LRCH2: variants seen among roughly 807,000 people sequenced by gnomAD.
The protein encoded by LRCH2 is leucine rich repeats and calponin homology domain containing 2.
LRCH2 carries 38 observed loss-of-function variants against 68.9 expected under a neutral mutation model. The observed-to-expected ratio is 0.55, with a 90% CI of 0.43 to 0.72. The LOEUF (loss-of-function observed/expected upper bound fraction) is 0.72, where lower values mean the gene tolerates loss of function less well. Among genes scored for constraint, LRCH2 ranks in the 30% least tolerant of loss-of-function variants. LRCH2 has a pLI of 0.00. For synonymous variants in LRCH2, 191 were observed against 208.1 expected, an observed-to-expected ratio of 0.92 and a Z score of 0.71; for missense variants, 528 against 572.9, an observed-to-expected ratio of 0.92 and a Z score of 0.80.
At chrX:115,145,785 AATAACATACTGGTGAGGATGTGGAG>A (rs2072377317) in intron 14 of LRCH2, among the ~76,000 whole-genome samples, 1 of 111,713 alleles carries the variant, frequency 9.0e-6, no homozygotes, top group African/African-American at 3.3e-5. Flanking sequence ...AAAGACAGGC[AATAACATACTGGTGAGGATGTGGAG>A]AAAAGGGAAC....
At chrX:115,176,388 T>C (rs991455900) in intron 5 of LRCH2, among the ~76,000 whole-genome samples, 1 of 112,009 alleles carries the variant, frequency 8.9e-6, no homozygotes, top group Non-Finnish European at 1.9e-5. Flanking sequence ...TATCTCATTG[T>C]GGTTGTGATT....
intron 5 of LRCH2, among the ~76,000 whole-genome samples, chrX:115,172,228 G>A (rs2072610170): frequency 9.0e-6 from 1 of 111,296 alleles, no homozygotes; most frequent in Admixed American, 9.6e-5. Context: ...TCTCTCTTCA[G>A]AAGTATAACA....
intron 3 of LRCH2, among the ~76,000 whole-genome samples, chrX:115,180,551 T>C (rs1307681142): frequency 9.0e-6 from 1 of 111,579 alleles, no homozygotes; most frequent in Non-Finnish European, 1.9e-5. Context: ...ATCTACAACA[T>C]GGTCTCAGAC....
intron 1 of LRCH2, among the ~76,000 whole-genome samples, chrX:115,211,760 C>CCG (rs1556570083): frequency 6.5e-5 from 6 of 92,688 alleles, no homozygotes; most frequent in Admixed American, 2.2e-4. Flanking sequence ...AACATCCACA[C>CCG]ACCCCCCCAA....
At chrX:115,206,616 T>C (rs1556568284) in intron 1 of LRCH2, among the ~76,000 whole-genome samples, 1 of 112,039 alleles carries the variant, frequency 8.9e-6, no homozygotes, top group Non-Finnish European at 1.9e-5. Context: ...CTATAATCTA[T>C]AGAAACAATG....
At chrX:115,189,972 A>G (rs1556556682) in intron 1 of LRCH2, 1 of 1,162,864 alleles carries the variant, frequency 8.6e-7, no homozygotes, top group Admixed American at 2.6e-5. Flanking sequence ...TTGGCTGTGG[A>G]ATGCGCGGGA....
intron 14 of LRCH2, among the ~76,000 whole-genome samples, chrX:115,140,915 A>G (rs1195832126): frequency 9.0e-6 from 1 of 111,253 alleles, no homozygotes; most frequent in Non-Finnish European, 1.9e-5. Context: ...AAAAAATAAG[A>G]CACAATGACC....
intron 14 of LRCH2, among the ~76,000 whole-genome samples, chrX:115,138,036 T>C (rs2072304885): frequency 9.0e-6 from 1 of 111,160 alleles, no homozygotes; most frequent in Non-Finnish European, 1.9e-5. Context: ...AATGGTAGTG[T>C]CAGGGCTCAG....
Position 115,170,424 on chromosome X carries a change from T to C in LRCH2, c.873A>G (p.Leu291=). 1.8e-6 allele frequency: 2 copies of C among 1,113,709 alleles called. No individual in the cohort carries two copies. The highest frequency in any genetic ancestry group is 2.4e-6 in the Non-Finnish European group (2 of 846,514). The allele number at this position is 1,113,709 out of a possible 1,213,427, so 91.8% of individuals were successfully genotyped here. A position where few individuals can be genotyped will look rare whatever the true frequency, so the allele number is the denominator to read the frequency against. ...ACTTAAATATGTGCACCTTACCCTT[T>C]AAACATATCTGTCAATAAAAAATAA... is the stretch of plus-strand genomic sequence containing the variant. ...PLQVPPAQIC[L]KGKVHIFKYL... Residue 291 remains leucine, a synonymous_variant, in exon 6 of 21, where the codon TTA becomes TTG. Transcript: ENST00000317135.
chrX:115,133,704 G>A (rs970727788), intron 14 of LRCH2, among the ~76,000 whole-genome samples: 3 of 111,221 alleles, frequency 2.7e-5, no homozygotes, highest in Admixed American at 9.6e-5. Flanking sequence ...TGACTCAAAC[G>A]ACGCCCATAT....
At chrX:115,175,154 C>T (rs192930298) in intron 5 of LRCH2, among the ~76,000 whole-genome samples, 83 of 112,085 alleles carry the variant, frequency 7.4e-4, no homozygotes, top group African/African-American at 2.5e-3. Flanking sequence ...ACAAAAGCTT[C>T]ATTGAGGTTC....
At chrX:115,125,961 G>A (rs782674323) in intron 16 of LRCH2, among the ~76,000 whole-genome samples, 1 of 109,634 alleles carries the variant, frequency 9.1e-6, no homozygotes, top group South Asian at 3.9e-4. Context: ...TTGTAATGCA[G>A]ATCACCCACA....
Position 115,191,704 on chromosome X carries a change from C to T in LRCH2, c.350-3334G>A, listed in dbSNP as rs1050701040. On this transcript the variant is annotated intron_variant, in intron 1 of 20. Transcript: ENST00000317135. ...CTCACTCGATGCCAACAGCAGTGGC[C>T]GCTTGCCTGACGCCTACAGTGGGGG... The T allele has an allele frequency of 1.2e-5, 14 of 1,162,187 alleles. No individual in the cohort carries two copies. Among genetic ancestry groups the T allele is most frequent in the Non-Finnish European group, 1.5e-5 (13 of 871,726 alleles).
intron 14 of LRCH2, among the ~76,000 whole-genome samples, chrX:115,133,354 G>A (rs1436351864): frequency 8.9e-6 from 1 of 112,294 alleles, no homozygotes; most frequent in East Asian, 2.8e-4. Context: ...TGGAATGACA[G>A]TGAAAGCTAG....
chrX:115,231,427 A>G (rs1666455953), intron 1 of LRCH2, among the ~76,000 whole-genome samples: 1 of 111,765 alleles, frequency 8.9e-6, no homozygotes, highest in Admixed American at 9.6e-5. Flanking sequence ...TCTCTACATT[A>G]AAAAATACTG....
chrX:115,226,650 C>T (rs2073121066), intron 1 of LRCH2, among the ~76,000 whole-genome samples: 2 of 111,251 alleles, frequency 1.8e-5, no homozygotes, highest in Non-Finnish European at 3.8e-5. Context: ...AGAGTTATGA[C>T]CAACAGGCCT....
At chrX:115,156,706 A>C (rs2147379183) in intron 11 of LRCH2, 39 bp from the exon 12 acceptor site, 1 of 851,724 alleles carries the variant, frequency 1.2e-6, no homozygotes, top group South Asian at 3.1e-5. Context: ...AAATCTATTA[A>C]GAATATTACA....
chrX:115,139,384 T>C (rs2072317165), intron 14 of LRCH2, among the ~76,000 whole-genome samples: 1 of 112,545 alleles, frequency 8.9e-6, no homozygotes, highest in South Asian at 3.7e-4. Flanking sequence ...TGAAGACATA[T>C]ATGCCACTTA....
chrX:115,113,291 A>G lies in LRCH2; in HGVS notation c.2223T>C (p.Leu741=), dbSNP rs369392135. The part of the protein sequence containing the change: ...LPHHILEERG[L]VKVGVTVQAL... Reference sequence around the variant, plus strand: ...CCTGAACTGTGACACCAACTTTCACAAGTCCTCGTTCTTCCAAAATATGAT... The same window carrying G: ...CCTGAACTGTGACACCAACTTTCACGAGTCCTCGTTCTTCCAAAATATGAT... Residue 741 remains leucine (L), a synonymous_variant, in exon 21 of 21, where the codon CTT becomes CTC. Transcript: ENST00000317135. 2.6e-5 allele frequency: 31 copies of G among 1,195,739 alleles called. No homozygotes were observed. Among genetic ancestry groups the G allele is most frequent in the Non-Finnish European group, 3.4e-5 (30 of 886,341 alleles).
Sources: allele counts gnomAD v4.1 joint callset (sites outside exome capture counted in the v4.1 genomes callset), GRCh38; gene constraint gnomAD v4.1.1; transcripts MANE v1.5; gene names NCBI Gene and HGNC (gene_info 2026-07-23, HGNC 2026-07-21).